The following PEX14 variants were observed in gnomAD, a reference collection of about 807,000 sequenced individuals.
The protein encoded by PEX14 is peroxisomal membrane protein PEX14.
A neutral mutation model predicts 49.5 loss-of-function variants in PEX14; 15 were observed. That is an observed-to-expected ratio of 0.30 (90% CI 0.20 to 0.47). The LOEUF is 0.47. Among genes scored for constraint, PEX14 ranks in the 20% least tolerant of loss-of-function variants. The probability of loss-of-function intolerance (pLI) is 1.00; values close to 1 mark genes in which losing one functional copy is unlikely to be tolerated. For synonymous variants in PEX14, 210 were observed against 212.7 expected (o/e 0.99, Z 0.11); for missense variants, 398 against 494.8 (o/e 0.80, Z 1.86).
Position 10,619,282 on chromosome 1 carries a change from C to A in PEX14, c.384+865C>A, listed in dbSNP as rs139460777. Among the ~76,000 whole-genome samples, 61 of 150,624 alleles carry A rather than the reference C, an allele frequency of 4.0e-4. No homozygotes were observed. In the East Asian group the frequency reaches 0.012, roughly 29 times the overall value. On this transcript the variant is annotated intron_variant, in intron 5 of 8. Transcript: ENST00000356607. ...CCCTGTAGAGAAGCCTCTTTTCTTT[C>A]GAGGCTGCCAGCTCCTCCACCCCTG...
intron 2 of PEX14, among the ~76,000 whole-genome samples, chr1:10,526,093 T>C (rs539339690): frequency 3.3e-5 from 5 of 151,492 alleles, no homozygotes; most frequent in Non-Finnish European, 7.4e-5. Context: ...GGCTAATTTT[T>C]TGTATTTTTA....
At position 10,629,979 on chromosome 1, in the gene PEX14, C is replaced by T. The variant is rs765354583; in HGVS notation, c.1126C>T (p.Arg376Trp). The T allele has an allele frequency of 3.9e-5, 62 of 1,608,946 alleles. No individual in the cohort carries two copies. The highest frequency in any genetic ancestry group is 4.7e-5 in the Non-Finnish European group (55 of 1,179,434). ...RPEGASNESE[R>W]D ...CGAGGGCGCCAGCAACGAGAGTGAG[C>T]GGGACTAGGGCTGCGCCTGCTGCCT... Residue 376 changes from arginine to tryptophan, a missense_variant, in exon 9 of 9, where the codon CGG becomes TGG. By Grantham distance (101) the Arg-to-Trp change is moderately radical. Coordinates refer to ENST00000356607, the MANE Select transcript of PEX14 (RefSeq NM_004565.3). This position sits in a 1 kb window ranked among gnomAD's most constrained non-coding sequence, Gnocchi z 8.5.
chr1:10,581,824 CTTTA>C (rs1384457603), intron 3 of PEX14, among the ~76,000 whole-genome samples: 3 of 150,346 alleles, frequency 2.0e-5, no homozygotes, highest in Non-Finnish European at 4.4e-5. Flanking sequence ...GTTTGTCTCC[CTTTA>C]TTTCTCTTTG....
intron 1 of PEX14, among the ~76,000 whole-genome samples, 174 bp downstream of exon 1, chr1:10,475,176 C>T (rs985748632): frequency 6.6e-6 from 1 of 152,008 alleles, no homozygotes; most frequent in African/African-American, 2.4e-5. Context: ...GCCCCTCCCC[C>T]CGGTGACCCC....
chr1:10,547,547 G>A (rs925156254), intron 3 of PEX14, among the ~76,000 whole-genome samples: 2 of 152,100 alleles, frequency 1.3e-5, no homozygotes, highest in Non-Finnish European at 2.9e-5. Context: ...TATGTACTAT[G>A]TTTTTCTTAT....
intron 1 of PEX14, among the ~76,000 whole-genome samples, chr1:10,484,745 C>T (rs757641701): frequency 6.6e-5 from 10 of 151,578 alleles, no homozygotes; most frequent in Non-Finnish European, 1.0e-4. Context: ...GGTCTGCTTC[C>T]TAGCTTGTGT....
intron 2 of PEX14, among the ~76,000 whole-genome samples, chr1:10,521,224 C>G (rs1638285607): frequency 6.6e-6 from 1 of 151,546 alleles, no homozygotes; most frequent in Non-Finnish European, 1.5e-5. Flanking sequence ...TTTATACTTT[C>G]TCCCATTCCT....
chr1:10,520,145 C>CTTTT (rs1412156646), intron 2 of PEX14, among the ~76,000 whole-genome samples: 15 of 64,484 alleles, frequency 2.3e-4, no homozygotes, highest in African/African-American at 8.9e-4. Context: ...TGGCCTTCTT[C>CTTTT]TTCTTTTTTT....
intron 3 of PEX14, among the ~76,000 whole-genome samples, chr1:10,570,624 A>G (rs906957568): frequency 6.6e-6 from 1 of 152,002 alleles, no homozygotes; most frequent in Non-Finnish European, 1.5e-5. Context: ...GAGCCACTGC[A>G]CCTGGCTCTG....
In PEX14 at chr1:10,572,883, A is replaced by G. The variant is rs536136430; in HGVS notation, c.170-26355A>G. Among the ~76,000 whole-genome samples the G allele has an allele frequency of 2.6e-5, 4 of 152,304 alleles. No individual in the cohort carries two copies. The East Asian group carries it at 7.7e-4, about 29-fold the overall frequency. On this transcript the variant is annotated intron_variant, in intron 3 of 8. Transcript: ENST00000356607. ...GTCATTAGACAATTTCATTGTACAA[A>G]TGTTATAGACTGTACCTACACAGAC...
At chr1:10,564,595 CTTTTTTTTT>C (rs58926587) in intron 3 of PEX14, among the ~76,000 whole-genome samples, 3 of 107,142 alleles carry the variant, frequency 2.8e-5, no homozygotes, top group East Asian at 2.8e-4. Flanking sequence ...CTTTTTCTTT[CTTTTTTTTT>C]TTTTTTTTTG....
rs551923667 is a variant in PEX14 at position 10,584,531 on chromosome 1, T to A, written c.170-14707T>A. 2.6e-5 allele frequency among the ~76,000 whole-genome samples: 4 copies of A among 152,338 alleles called. No individual in the cohort carries two copies. The South Asian group carries it at 8.3e-4, about 32-fold the overall frequency. On this transcript the variant is annotated intron_variant, in intron 3 of 8. Transcript: ENST00000356607. The stretch of plus-strand genomic sequence containing the variant: ...GTAGGGTGTGATGTCTGTAACTTAG[T>A]CTCAAACAGTTCAGGGAAAGTAATC...
At chr1:10,611,850 T>C (rs1046372786) in intron 4 of PEX14, among the ~76,000 whole-genome samples, 1 of 152,242 alleles carries the variant, frequency 6.6e-6, no homozygotes, top group Admixed American at 6.5e-5. Context: ...TTTATTATTA[T>C]TGAATTGTCA....
At chr1:10,484,744 C>A (rs754283421) in intron 1 of PEX14, among the ~76,000 whole-genome samples, 2 of 151,586 alleles carry the variant, frequency 1.3e-5, no homozygotes, top group Non-Finnish European at 2.9e-5. Context: ...GGGTCTGCTT[C>A]CTAGCTTGTG....
At position 10,623,339 on chromosome 1, in the gene PEX14, G is replaced by A. The variant is rs576063674; in HGVS notation, c.487+218G>A. On this transcript the variant is annotated intron_variant, in intron 6 of 8. Transcript: ENST00000356607. This position sits in a 1 kb window ranked among gnomAD's most constrained non-coding sequence, Gnocchi z 4.4. The stretch of plus-strand genomic sequence containing the variant: ...CGGCCTCAATTAATTATGTTTTTAC[G>A]GAAAGGCTCCCAACCTCAGAATATT... The A allele has an allele frequency of 6.3e-5, 33 of 522,632 alleles. No homozygotes were observed. Among genetic ancestry groups the A allele is most frequent in the Non-Finnish European group, 8.8e-5 (25 of 285,144 alleles). 32.4% of individuals were successfully genotyped at this position (522,632 alleles called of 1,614,324 possible).
chr1:10,581,249 C>T (rs891962838), intron 3 of PEX14, among the ~76,000 whole-genome samples: 2 of 151,490 alleles, frequency 1.3e-5, no homozygotes, highest in Non-Finnish European at 2.9e-5. Context: ...CAGAATGAAA[C>T]CTGTTTCCAT....
At chr1:10,520,978 C>CT (rs34115584) in intron 2 of PEX14, among the ~76,000 whole-genome samples, 67,354 of 140,878 alleles carry the variant, frequency 0.48, 16,301 homozygotes, top group East Asian at 0.59. Context: ...TTGCCGTTGT[C>CT]TTTTTTTTTT....
chr1:10,585,220 G>A (rs1222635025), intron 3 of PEX14, among the ~76,000 whole-genome samples: 1 of 152,122 alleles, frequency 6.6e-6, no homozygotes, highest in Non-Finnish European at 1.5e-5. Context: ...AGAGCAAAGT[G>A]TCTTTTCCGA....
In PEX14 at chr1:10,622,091, G is replaced by A. The variant is rs533696691; in HGVS notation, c.385-928G>A. Among the ~76,000 whole-genome samples the A allele has an allele frequency of 1.1e-4, 16 of 152,178 alleles. No homozygotes were observed. In the South Asian group the frequency reaches 3.3e-3, roughly 32 times the overall value. The stretch of plus-strand genomic sequence containing the variant: ...GTCAGTGCACATGTTCCTACACGCA[G>A]CTGTCCCTGCAGGCCCCACCACCCA... On this transcript the variant is annotated intron_variant, in intron 5 of 8. Transcript: ENST00000356607.
Sources: allele counts gnomAD v4.1 joint callset (sites outside exome capture counted in the v4.1 genomes callset), GRCh38; gene constraint gnomAD v4.1.1; non-coding constraint Gnocchi (gnomAD v3.1); transcripts MANE v1.5; gene names NCBI Gene and HGNC (gene_info 2026-07-23, HGNC 2026-07-21).